CPNE2: variants seen among roughly 807,000 people sequenced by gnomAD.
CPNE2 encodes the protein copine-2.
A neutral mutation model predicts 69.7 loss-of-function variants in CPNE2; 42 were observed. That is an observed-to-expected ratio of 0.60 (90% CI 0.47 to 0.78). The LOEUF is 0.78. Among genes scored for constraint, CPNE2 ranks in the 30% least tolerant of loss-of-function variants. CPNE2 has a pLI of 0.00. For synonymous variants in CPNE2, 294 were observed against 289.8 expected (o/e 1.01, Z -0.15); for missense variants, 587 against 732.0 (o/e 0.80, Z 2.29).
Position 57,125,663 on chromosome 16 carries a change from A to C in CPNE2, c.928-197A>C, listed in dbSNP as rs188823459. On this transcript the variant is annotated intron_variant, in intron 10 of 15. Coordinates refer to ENST00000290776, the MANE Select transcript of CPNE2 (RefSeq NM_152727.6). ...AGGCAGTGGACTTTATGCTTGGGCAATAGAGAGCCACAGATGGCATTAGAG... is the reference window on the plus strand; with the variant it reads ...AGGCAGTGGACTTTATGCTTGGGCACTAGAGAGCCACAGATGGCATTAGAG... 5 of 644,288 alleles carry C rather than the reference A, an allele frequency of 7.8e-6. No individual in the cohort carries two copies. In the East Asian group the frequency reaches 1.4e-4, roughly 18 times the overall value. 39.9% of individuals were successfully genotyped at this position (644,288 alleles called of 1,614,324 possible).
intron 14 of CPNE2, among the ~76,000 whole-genome samples, chr16:57,140,494 C>T (rs2069913699): frequency 6.6e-6 from 1 of 151,044 alleles, no homozygotes; most frequent in African/African-American, 2.4e-5. Context: ...ATGAAATGGG[C>T]GTAGTAAACC....
chr16:57,101,369 C>T, intron 1 of CPNE2, among the ~76,000 whole-genome samples: 1 of 152,152 alleles, frequency 6.6e-6, no homozygotes, highest in East Asian at 1.9e-4. Flanking sequence ...CAATTTAGAC[C>T]TGGATGCATT....
chr16:57,103,796 G>A (rs1271386407), intron 1 of CPNE2, among the ~76,000 whole-genome samples: 1 of 152,088 alleles, frequency 6.6e-6, no homozygotes, highest in African/African-American at 2.4e-5. Flanking sequence ...GTGGGGCCAG[G>A]GCTACTTTCT....
At chr16:57,127,384 T>C (rs545255224) in intron 11 of CPNE2, among the ~76,000 whole-genome samples, 1 of 151,962 alleles carries the variant, frequency 6.6e-6, no homozygotes, top group African/African-American at 2.4e-5. Flanking sequence ...TGAAGGGGCG[T>C]GGGTGGAAGG....
rs28553929 is a variant in CPNE2, at chr16:57,140,495, G to A, written c.1302+3213G>A. Among the ~76,000 whole-genome samples the A allele has an allele frequency of 2.9e-3, 433 of 151,308 alleles. 3 individuals carry two copies. Among genetic ancestry groups the A allele is most frequent in the African/African-American group, 0.01 (420 of 41,218 alleles). On this transcript the variant is annotated intron_variant, in intron 14 of 15. Transcript: ENST00000290776. ...ACCCATTTCCTCTTATGAAATGGGC[G>A]TAGTAAACCCCCAGTGTGCTGTGAG...
rs2069971990 is a variant in CPNE2, at chr16:57,147,886, C to T, written c.*228C>T. On this transcript the variant is annotated 3_prime_UTR_variant, in exon 16 of 16. Transcript: ENST00000290776. ...TGGCTTCCTCTCCTCCTCTCCCCACCTTTGCCATTCTTAAGTATTGAATGT... is the reference window on the plus strand; with the variant it reads ...TGGCTTCCTCTCCTCCTCTCCCCACTTTTGCCATTCTTAAGTATTGAATGT... 5.0e-6 allele frequency: 2 copies of T among 397,480 alleles called. No individual in the cohort carries two copies. Among genetic ancestry groups the T allele is most frequent in the African/African-American group, 2.0e-5 (1 of 48,938 alleles). The allele number at this position is 397,480 out of a possible 1,614,324, so 24.6% of individuals were successfully genotyped here. A position where few individuals can be genotyped will look rare whatever the true frequency, so the allele number is the denominator to read the frequency against.
At position 57,110,858 on chromosome 16, in the gene CPNE2, A is replaced by G; in HGVS notation, c.116A>G (p.Asp39Gly). The G allele has an allele frequency of 6.2e-7, 1 of 1,613,794 alleles. No homozygotes were observed. ...SVSGQNLLDR[D>G]VTSKSDPFCV... ...AGTGGCCAGAACCTACTGGACCGGG[A>G]TGTTACCTCCAAGTCCGACCCCTTC... Residue 39 changes from aspartate to glycine, a missense_variant, in exon 2 of 16, where the codon GAT (aspartate) becomes GGT (glycine). This residue lies in a region of CPNE2 where 96 missense variants were observed against 94.9 expected (regional missense o/e 1.01). Coordinates refer to ENST00000290776, the MANE Select transcript of CPNE2 (RefSeq NM_152727.6).
intron 3 of CPNE2, 145 bp from the exon 4 acceptor site, chr16:57,115,331 T>G (rs1597494918): frequency 6.4e-6 from 4 of 623,598 alleles, no homozygotes; most frequent in Non-Finnish European, 5.6e-6. Flanking sequence ...CCTCCCAGGG[T>G]GATGATGATG....
At position 57,146,983 on chromosome 16, in the gene CPNE2, C is replaced by T. The variant is rs1171783776; in HGVS notation, c.1540-568C>T. On this transcript the variant is annotated intron_variant, in intron 15 of 15. Coordinates refer to ENST00000290776, the MANE Select transcript of CPNE2 (RefSeq NM_152727.6). This position sits in a 1 kb window ranked among gnomAD's most constrained non-coding sequence, Gnocchi z 4.4. ...CATACTGCTGGCTGGGGGCTTAACC[C>T]AGCCTCAGCAAGAACTGCCCATGCT... 1 of 153,108 alleles carries T rather than the reference C, an allele frequency of 6.5e-6. No homozygotes were observed. The highest frequency in any genetic ancestry group is 1.9e-4 in the East Asian group (1 of 5,192). 9.5% of individuals were successfully genotyped at this position (153,108 alleles called of 1,614,324 possible).
intron 10 of CPNE2, chr16:57,124,730 T>C: frequency 4.0e-6 from 1 of 247,158 alleles, no homozygotes; most frequent in South Asian, 4.4e-5. Context: ...CCCCATGTTG[T>C]CTCACCGTTC....
At chr16:57,100,041 G>A (rs2069603852) in intron 1 of CPNE2, among the ~76,000 whole-genome samples, 1 of 152,132 alleles carries the variant, frequency 6.6e-6, no homozygotes, top group African/African-American at 2.4e-5. Context: ...TCAAAGTGCT[G>A]GGATTGCAGG....
At chr16:57,121,315 C>A in intron 8 of CPNE2, 124 bp downstream of exon 8, 1 of 747,126 alleles carries the variant, frequency 1.3e-6, no homozygotes, top group Non-Finnish European at 2.2e-6. Flanking sequence ...TTGAGCAAGG[C>A]ATTCAATCTA....
At chr16:57,123,979 C>T (rs1357832340) in intron 10 of CPNE2, 6 of 176,908 alleles carry the variant, frequency 3.4e-5, no homozygotes, top group Non-Finnish European at 7.3e-5. Context: ...ATTTTTCAGG[C>T]CTGAGGAGGT....
chr16:57,116,694 T>C (rs898511713), intron 4 of CPNE2, among the ~76,000 whole-genome samples: 3 of 151,920 alleles, frequency 2.0e-5, no homozygotes, highest in African/African-American at 7.3e-5. Context: ...CCCTGGGAAA[T>C]GGGGGTGATA....
intron 1 of CPNE2, among the ~76,000 whole-genome samples, chr16:57,101,409 A>G (rs2069612824): frequency 6.6e-6 from 1 of 152,220 alleles, no homozygotes; most frequent in Non-Finnish European, 1.5e-5. Context: ...CCAAAAGTTC[A>G]GTAAACTTAG....
intron 1 of CPNE2, among the ~76,000 whole-genome samples, chr16:57,106,888 C>T (rs1489587539): frequency 3.9e-5 from 6 of 152,234 alleles, no homozygotes; most frequent in African/African-American, 1.4e-4. Context: ...CTCCCCTGGC[C>T]TGGCTGATGT....
chr16:57,113,257 T>A (rs781773910), intron 2 of CPNE2, 31 bp from the exon 3 acceptor site: 3 of 1,606,840 alleles, frequency 1.9e-6, no homozygotes, highest in Non-Finnish European at 2.6e-6. Context: ...CTGCCTTGAC[T>A]CTGACTTCCA....
At chr16:57,122,112 G>C in intron 9 of CPNE2, among the ~76,000 whole-genome samples, 1 of 152,228 alleles carries the variant, frequency 6.6e-6, no homozygotes, top group East Asian at 1.9e-4. Flanking sequence ...CATTGGGTGG[G>C]GACACCCTGT....
chr16:57,097,758 CCTT>C (rs1268849961), intron 1 of CPNE2, among the ~76,000 whole-genome samples: 1 of 152,168 alleles, frequency 6.6e-6, no homozygotes, highest in Non-Finnish European at 1.5e-5. Flanking sequence ...GGCAAATCCA[CCTT>C]CTCTCAGACG....
Sources: gnomAD v4.1 joint callset for allele counts (sites outside exome capture counted in the v4.1 genomes callset) on GRCh38, gnomAD v4.1.1 for gene constraint, gnomAD v4.1.1 regional missense constraint, Gnocchi (gnomAD v3.1) non-coding constraint, MANE v1.5 for transcripts, NCBI Gene and HGNC (gene_info 2026-07-23, HGNC 2026-07-21) for gene names.